The following KCNQ1OT1 variants were observed in gnomAD, a reference collection of about 807,000 sequenced individuals.
KCNQ1OT1 encodes KCNQ1 antisense RNA 2 (non-protein coding).
Position 2,659,105 on chromosome 11 carries a change from G to T in KCNQ1OT1, n.40890C>A. 4 of 398,492 alleles carry T rather than the reference G, an allele frequency of 1.0e-5. No individual in the cohort carries two copies. Among genetic ancestry groups the T allele is most frequent in the Non-Finnish European group, 1.3e-5 (3 of 226,034 alleles). The allele number at this position is 398,492 out of a possible 1,614,324, so 24.7% of individuals were successfully genotyped here. ...TCATCGTAGGGTCCTCCAACATCCG[G>T]GTTAATTTTTTAAATTTGCATACAG... On this transcript the variant is annotated non_coding_transcript_exon_variant, in exon 1 of 1. Coordinates refer to ENST00000597346, the Ensembl canonical transcript of KCNQ1OT1. The surrounding 1 kb of genome is among the most constrained non-coding windows in gnomAD (Gnocchi z 4.3).
chr11:2,643,173 T>G, exon 1 of KCNQ1OT1: 1 of 398,318 alleles, frequency 2.5e-6, no homozygotes, highest in South Asian at 1.3e-4. Flanking sequence ...GTCTGTTAGG[T>G]CCATTTGGTA....
rs1850114938 is a variant in KCNQ1OT1 at position 2,668,034 on chromosome 11, G to A, written n.31961C>T. ...GCCTAACTGCTAGCAGCAAGGACCA[G>A]CTTTGCCCACATTTGAACTTTATGC... On this transcript the variant is annotated non_coding_transcript_exon_variant, in exon 1 of 1. Transcript: ENST00000597346. This position sits in a 1 kb window ranked among gnomAD's most constrained non-coding sequence, Gnocchi z 4.3. 1.0e-5 allele frequency: 4 copies of A among 398,498 alleles called. No individual in the cohort carries two copies. In the South Asian group the frequency reaches 3.8e-4, roughly 38 times the overall value. The allele number at this position is 398,498 out of a possible 1,614,324, so 24.7% of individuals were successfully genotyped here.
At position 2,664,320 on chromosome 11, in the gene KCNQ1OT1, T is replaced by C. The variant is rs1850023558; in HGVS notation, n.35675A>G. Reference sequence around the variant, plus strand: ...GCATTGTGTTCTGGTCAGGGAAGACTCAGGGCTGAGGCTTCAGGGGAGCTG... The same window carrying C: ...GCATTGTGTTCTGGTCAGGGAAGACCCAGGGCTGAGGCTTCAGGGGAGCTG... On this transcript the variant is annotated non_coding_transcript_exon_variant, in exon 1 of 1. Coordinates refer to ENST00000597346, the Ensembl canonical transcript of KCNQ1OT1. The surrounding 1 kb of genome is among the most constrained non-coding windows in gnomAD (Gnocchi z 5.1). 2.5e-6 allele frequency: 1 copy of C among 398,824 alleles called. No individual in the cohort carries two copies. The allele number at this position is 398,824 out of a possible 1,614,324, so 24.7% of individuals were successfully genotyped here.
chr11:2,684,645 A>C, exon 1 of KCNQ1OT1: 2 of 398,672 alleles, frequency 5.0e-6, no homozygotes, highest in Non-Finnish European at 8.8e-6. Flanking sequence ...AAGAAGGAAC[A>C]GGAAAGAAAG....
chr11:2,675,037 G>T (rs1850268063), exon 1 of KCNQ1OT1: 1 of 398,636 alleles, frequency 2.5e-6, no homozygotes, highest in Non-Finnish European at 4.4e-6. Flanking sequence ...GAGCCCAGGT[G>T]GGGGACGGGG....
rs1418621845 is a variant in KCNQ1OT1 at position 2,625,580 on chromosome 11, T to C, written n.74415A>G. ...TACGTCTGTCCAAGTCCTTTGCCCT[T>C]TTTTTTTTTTTTTTGAGATGGAGTC... On this transcript the variant is annotated non_coding_transcript_exon_variant, in exon 1 of 1. Coordinates refer to ENST00000597346, the Ensembl canonical transcript of KCNQ1OT1. The C allele has an allele frequency of 9.3e-4, 12 of 12,880 alleles. No homozygotes were observed. In the South Asian group the frequency reaches 0.015, roughly 16 times the overall value. 0.8% of individuals were successfully genotyped at this position (12,880 alleles called of 1,614,324 possible).
At position 2,624,231 on chromosome 11, in the gene KCNQ1OT1, CTGTT is replaced by C. The variant is rs1329304587; in HGVS notation, n.75760_75763del. On this transcript the variant is annotated non_coding_transcript_exon_variant, in exon 1 of 1. Transcript: ENST00000597346. The surrounding 1 kb of genome is among the most constrained non-coding windows in gnomAD (Gnocchi z 4.9). ...CTGTATATCTTCATTGGTGAGATGT[CTGTT>C]AAGGTCTTCAGTCCATTTTGTAATC... 1 of 398,402 alleles carries C rather than the reference CTGTT, an allele frequency of 2.5e-6. No homozygotes were observed. Among genetic ancestry groups the C allele is most frequent in the African/African-American group, 2.1e-5 (1 of 48,604 alleles). 24.7% of individuals were successfully genotyped at this position (398,402 alleles called of 1,614,324 possible).
chr11:2,654,074 C>G lies in KCNQ1OT1; in HGVS notation n.45921G>C, dbSNP rs1196452224. On this transcript the variant is annotated non_coding_transcript_exon_variant, in exon 1 of 1. Transcript: ENST00000597346. The surrounding 1 kb of genome is among the most constrained non-coding windows in gnomAD (Gnocchi z 6.4). ...GTTGTGGGAATGGCTTTTACACTTT[C>G]CATCCATGTCCCTTACTTCTCGCCT... is the stretch of plus-strand genomic sequence containing the variant. 1.0e-5 allele frequency: 4 copies of G among 398,744 alleles called. No individual in the cohort carries two copies. Among genetic ancestry groups the G allele is most frequent in the Non-Finnish European group, 1.8e-5 (4 of 226,126 alleles). 24.7% of individuals were successfully genotyped at this position (398,744 alleles called of 1,614,324 possible).
chr11:2,644,428 G>A (rs182140821), exon 1 of KCNQ1OT1: 2 of 398,180 alleles, frequency 5.0e-6, no homozygotes, highest in African/African-American at 4.1e-5. Flanking sequence ...TATCTGTTTG[G>A]TTCTTTTTAT....
exon 1 of KCNQ1OT1, chr11:2,662,977 C>A (rs1464092657): frequency 7.5e-6 from 3 of 398,602 alleles, no homozygotes; most frequent in Non-Finnish European, 1.3e-5. Context: ...TTGCAGCCAG[C>A]CAGGTGCAAG....
At position 2,679,107 on chromosome 11, in the gene KCNQ1OT1, G is replaced by A. The variant is rs933567426; in HGVS notation, n.20888C>T. ...GTGTCATAGCTAGAGCTAGAGTGCT[G>A]TTATAAGCTGTGCAGGCCAAAATGG... is the stretch of plus-strand genomic sequence containing the variant. On this transcript the variant is annotated non_coding_transcript_exon_variant, in exon 1 of 1. Transcript: ENST00000597346. This position sits in a 1 kb window ranked among gnomAD's most constrained non-coding sequence, Gnocchi z 4.8. 1 of 398,666 alleles carries A rather than the reference G, an allele frequency of 2.5e-6. No homozygotes were observed. The highest frequency in any genetic ancestry group is 4.4e-6 in the Non-Finnish European group (1 of 226,066). 24.7% of individuals were successfully genotyped at this position (398,666 alleles called of 1,614,324 possible). A position where few individuals can be genotyped will look rare whatever the true frequency, so the allele number is the denominator to read the frequency against.
chr11:2,627,684 G>A lies in KCNQ1OT1; in HGVS notation n.72311C>T, dbSNP rs1849283574. ...TGTGTGTGTGTATATATGTGTGTGT[G>A]TGTGTCTGTATGTATATGTATGTGA... On this transcript the variant is annotated non_coding_transcript_exon_variant, in exon 1 of 1. Coordinates refer to ENST00000597346, the Ensembl canonical transcript of KCNQ1OT1. The surrounding 1 kb of genome is among the most constrained non-coding windows in gnomAD (Gnocchi z 4.9). The A allele has an allele frequency of 5.0e-6, 2 of 398,408 alleles. No individual in the cohort carries two copies. The highest frequency in any genetic ancestry group is 8.8e-6 in the Non-Finnish European group (2 of 226,050). 24.7% of individuals were successfully genotyped at this position (398,408 alleles called of 1,614,324 possible). A position where few individuals can be genotyped will look rare whatever the true frequency, so the allele number is the denominator to read the frequency against.
In KCNQ1OT1 at chr11:2,617,481, G is replaced by A. The variant is rs1849086005; in HGVS notation, n.82514C>T. ...TAGTCATCCATCAATGGACACGTAAGTTTTCATATCGTGACTCATGCATAT... is the reference window on the plus strand; with the variant it reads ...TAGTCATCCATCAATGGACACGTAAATTTTCATATCGTGACTCATGCATAT... On this transcript the variant is annotated non_coding_transcript_exon_variant, in exon 1 of 1. Coordinates refer to ENST00000597346, the Ensembl canonical transcript of KCNQ1OT1. This position sits in a 1 kb window ranked among gnomAD's most constrained non-coding sequence, Gnocchi z 4.6. The A allele has an allele frequency of 5.0e-6, 2 of 398,314 alleles. No individual in the cohort carries two copies. Among genetic ancestry groups the A allele is most frequent in the Non-Finnish European group, 4.4e-6 (1 of 225,966 alleles). 24.7% of individuals were successfully genotyped at this position (398,314 alleles called of 1,614,324 possible). A position where few individuals can be genotyped will look rare whatever the true frequency, so the allele number is the denominator to read the frequency against.
chr11:2,619,514 T>A (rs1327261987), exon 1 of KCNQ1OT1: 1 of 398,462 alleles, frequency 2.5e-6, no homozygotes, highest in Non-Finnish European at 4.4e-6. Context: ...AGAAATTAAT[T>A]CCACATAGAC....
exon 1 of KCNQ1OT1, chr11:2,622,092 T>C (rs771055013): frequency 5.8e-5 from 23 of 398,266 alleles, no homozygotes; most frequent in Non-Finnish European, 1.0e-4. Flanking sequence ...TGTCTGAAGA[T>C]ATTTTTAAGT....
rs1564837612 is a variant in KCNQ1OT1, at chr11:2,626,452, C to T, written n.73543G>A. The T allele has an allele frequency of 2.5e-6, 1 of 398,512 alleles. No homozygotes were observed. Among genetic ancestry groups the T allele is most frequent in the African/African-American group, 2.1e-5 (1 of 48,634 alleles). The allele number at this position is 398,512 out of a possible 1,614,324, so 24.7% of individuals were successfully genotyped here. A position where few individuals can be genotyped will look rare whatever the true frequency, so the allele number is the denominator to read the frequency against. On this transcript the variant is annotated non_coding_transcript_exon_variant, in exon 1 of 1. Coordinates refer to ENST00000597346, the Ensembl canonical transcript of KCNQ1OT1. The surrounding 1 kb of genome is among the most constrained non-coding windows in gnomAD (Gnocchi z 4.0). Reference sequence around the variant, plus strand: ...GTATACAAGGGTTTATTTTTGGGCTCTCTATTCAATTCCATTGGTCTCTAC... The same window carrying T: ...GTATACAAGGGTTTATTTTTGGGCTTTCTATTCAATTCCATTGGTCTCTAC...
chr11:2,653,734 A>G lies in KCNQ1OT1; in HGVS notation n.46261T>C, dbSNP rs7932936. 235 of 398,654 alleles carry G rather than the reference A, an allele frequency of 5.9e-4. 2 individuals carry two copies. Among genetic ancestry groups the G allele is most frequent in the African/African-American group, 4.3e-3 (212 of 48,768 alleles). The allele number at this position is 398,654 out of a possible 1,614,324, so 24.7% of individuals were successfully genotyped here. ...TCTTCCAGGATTCCTGCCAGAATCT[A>G]AGGCCAGGTTCTTATTGGCCTCAGC... On this transcript the variant is annotated non_coding_transcript_exon_variant, in exon 1 of 1. Coordinates refer to ENST00000597346, the Ensembl canonical transcript of KCNQ1OT1. The surrounding 1 kb of genome is among the most constrained non-coding windows in gnomAD (Gnocchi z 5.3).
chr11:2,658,866 C>A lies in KCNQ1OT1; in HGVS notation n.41129G>T, dbSNP rs1849899580. ...AACCTGGCTCCCATTACCTACAGTT[C>A]ATTTACTTATTTGTGTAACCCTATT... On this transcript the variant is annotated non_coding_transcript_exon_variant, in exon 1 of 1. Transcript: ENST00000597346. The surrounding 1 kb of genome is among the most constrained non-coding windows in gnomAD (Gnocchi z 4.9). 1 of 398,402 alleles carries A rather than the reference C, an allele frequency of 2.5e-6. No individual in the cohort carries two copies. Among genetic ancestry groups the A allele is most frequent in the Non-Finnish European group, 4.4e-6 (1 of 226,030 alleles). The allele number at this position is 398,402 out of a possible 1,614,324, so 24.7% of individuals were successfully genotyped here. A position where few individuals can be genotyped will look rare whatever the true frequency, so the allele number is the denominator to read the frequency against.
Position 2,678,031 on chromosome 11 carries a change from T to C in KCNQ1OT1, n.21964A>G. 1 of 398,492 alleles carries C rather than the reference T, an allele frequency of 2.5e-6. No individual in the cohort carries two copies. The highest frequency in any genetic ancestry group is 4.4e-5 in the Admixed American group (1 of 22,740). The allele number at this position is 398,492 out of a possible 1,614,324, so 24.7% of individuals were successfully genotyped here. ...ATGCTTAAAATCATTTGTTTTTCTTTCTTGTGAACTATTTCTTCATACCCT... is the reference window on the plus strand; with the variant it reads ...ATGCTTAAAATCATTTGTTTTTCTTCCTTGTGAACTATTTCTTCATACCCT... On this transcript the variant is annotated non_coding_transcript_exon_variant, in exon 1 of 1. Transcript: ENST00000597346. The surrounding 1 kb of genome is among the most constrained non-coding windows in gnomAD (Gnocchi z 4.9).
Sources: allele counts gnomAD v4.1 joint callset, GRCh38; gene constraint gnomAD v4.1.1; non-coding constraint Gnocchi (gnomAD v3.1); transcripts MANE v1.5; gene names NCBI Gene and HGNC (gene_info 2026-07-23, HGNC 2026-07-21).